The following EXOC4 variants were observed in gnomAD, a reference collection of about 807,000 sequenced individuals.
EXOC4 encodes the protein exocyst complex component 4, also known as SEC8-like 1.
A neutral mutation model predicts 107.2 loss-of-function variants in EXOC4; 71 were observed. The ratio of observed to expected loss-of-function variants is 0.66; its 90% confidence interval spans 0.55 to 0.81. The LOEUF (loss-of-function observed/expected upper bound fraction) is 0.81. Among genes scored for constraint, EXOC4 ranks in the 30% least tolerant of loss-of-function variants. EXOC4 has a pLI of 0.00. For synonymous variants in EXOC4, 456 were observed against 441.2 expected (o/e 1.03, Z -0.42); for missense variants, 1,108 against 1,189.6 (o/e 0.93, Z 1.01).
intron 14 of EXOC4, among the ~76,000 whole-genome samples, chr7:133,976,601 ACATGGTT>A (rs1435394289): frequency 1.3e-5 from 2 of 152,312 alleles, no homozygotes; most frequent in South Asian, 2.1e-4. Flanking sequence ...CCAGGAGCCA[ACATGGTT>A]CACAAGAGGG....
chr7:133,516,745 A>C (rs557733484), intron 9 of EXOC4, among the ~76,000 whole-genome samples: 95 of 13,262 alleles, frequency 7.2e-3, no homozygotes, highest in African/African-American at 0.012. Flanking sequence ...GGAAACTGCC[A>C]AACTAGCTGC....
chr7:133,984,980 T>C (rs1226919606), intron 14 of EXOC4, among the ~76,000 whole-genome samples: 1 of 152,168 alleles, frequency 6.6e-6, no homozygotes, highest in Non-Finnish European at 1.5e-5. Flanking sequence ...CAGCAGAGTT[T>C]GGTTTTTACT....
At chr7:133,919,688 C>T (rs1799894959) in intron 13 of EXOC4, among the ~76,000 whole-genome samples, 1 of 152,092 alleles carries the variant, frequency 6.6e-6, no homozygotes, top group African/African-American at 2.4e-5. Flanking sequence ...ATTTAAGTTT[C>T]CTCCATGGTT....
intron 17 of EXOC4, among the ~76,000 whole-genome samples, chr7:134,019,891 A>T (rs1794990520): frequency 6.6e-6 from 1 of 152,062 alleles, no homozygotes; most frequent in African/African-American, 2.4e-5. Flanking sequence ...ATCAGCTTTA[A>T]TGGGCAGTTT....
intron 2 of EXOC4, among the ~76,000 whole-genome samples, chr7:133,282,727 TA>T (rs2150535240): frequency 6.6e-6 from 1 of 152,330 alleles, no homozygotes; most frequent in South Asian, 2.1e-4. Flanking sequence ...GTGGAATGGC[TA>T]AACCAAGCTA....
intron 1 of EXOC4, among the ~76,000 whole-genome samples, chr7:133,264,794 CTT>C (rs1793684015): frequency 1.3e-5 from 2 of 152,088 alleles, no homozygotes; most frequent in South Asian, 2.1e-4. Context: ...GCTTGGAAAA[CTT>C]ATTTCTTAAC....
At chr7:133,598,065 G>A (rs1801724114) in intron 9 of EXOC4, among the ~76,000 whole-genome samples, 1 of 151,620 alleles carries the variant, frequency 6.6e-6, no homozygotes, top group Non-Finnish European at 1.5e-5. Context: ...ATTACTTTTT[G>A]CACCACCCTA....
At chr7:133,473,805 A>G (rs1032748497) in intron 7 of EXOC4, among the ~76,000 whole-genome samples, 2 of 151,800 alleles carry the variant, frequency 1.3e-5, no homozygotes, top group Non-Finnish European at 2.9e-5. Context: ...GGTTCACACC[A>G]TCCTCCTGCC....
chr7:133,868,710 C>G (rs970238510), intron 11 of EXOC4, among the ~76,000 whole-genome samples: 1 of 152,144 alleles, frequency 6.6e-6, no homozygotes, highest in African/African-American at 2.4e-5. Context: ...TTTCTTGAGT[C>G]TATTAGAGGA....
chr7:133,457,004 T>C lies in EXOC4; in HGVS notation c.1183-18324T>C, dbSNP rs564951930. The stretch of plus-strand genomic sequence containing the variant: ...GAGAGCTCCTTCAGAGCATAAACTA[T>C]CTTAATCATCTTTTCGTGGGCAATA... On this transcript the variant is annotated intron_variant, in intron 7 of 17. Coordinates refer to ENST00000253861, the MANE Select transcript of EXOC4 (RefSeq NM_021807.4). Among the ~76,000 whole-genome samples, 23 of 152,314 alleles carry C rather than the reference T, an allele frequency of 1.5e-4. No individual in the cohort carries two copies. The South Asian group carries it at 4.6e-3, about 30-fold the overall frequency.
chr7:133,946,168 G>A (rs1260305147), intron 14 of EXOC4, among the ~76,000 whole-genome samples: 1 of 152,018 alleles, frequency 6.6e-6, no homozygotes, highest in African/African-American at 2.4e-5. Flanking sequence ...GCCCTTCATC[G>A]TTTTTCATTC....
intron 5 of EXOC4, among the ~76,000 whole-genome samples, chr7:133,345,096 G>A (rs1795754113): frequency 6.6e-6 from 1 of 152,120 alleles, no homozygotes; most frequent in South Asian, 2.1e-4. Context: ...CAGCCTGAGA[G>A]TTTCCAAAGC....
At chr7:133,705,779 A>G (rs542149226) in intron 10 of EXOC4, among the ~76,000 whole-genome samples, 1 of 152,348 alleles carries the variant, frequency 6.6e-6, no homozygotes, top group Non-Finnish European at 1.5e-5. Flanking sequence ...CAAAGGAATG[A>G]TTCATATCCT....
intron 9 of EXOC4, among the ~76,000 whole-genome samples, chr7:133,605,018 C>T (rs899523390): frequency 6.6e-5 from 10 of 152,102 alleles, no homozygotes; most frequent in Non-Finnish European, 1.5e-4. Context: ...AGCCACCACA[C>T]CCAGCCTCTA....
chr7:133,764,233 GA>G (rs1796091793), intron 10 of EXOC4, among the ~76,000 whole-genome samples: 1 of 152,002 alleles, frequency 6.6e-6, no homozygotes, highest in African/African-American at 2.4e-5. Context: ...GTACAGAAGT[GA>G]AAACTGTGTT....
intron 7 of EXOC4, among the ~76,000 whole-genome samples, chr7:133,433,742 A>C (rs746971426): frequency 2.0e-5 from 3 of 152,278 alleles, no homozygotes; most frequent in Non-Finnish European, 4.4e-5. Flanking sequence ...AATGGCACCT[A>C]TTTTAATGCC....
chr7:133,487,357 G>A (rs1297947928), intron 9 of EXOC4, among the ~76,000 whole-genome samples: 1 of 152,154 alleles, frequency 6.6e-6, no homozygotes, highest in Non-Finnish European at 1.5e-5. Flanking sequence ...ATGTATTTGA[G>A]TTTTAAAAGT....
intron 14 of EXOC4, among the ~76,000 whole-genome samples, chr7:133,990,801 T>G (rs546204895): frequency 1.3e-5 from 2 of 152,156 alleles, no homozygotes; most frequent in Non-Finnish European, 2.9e-5. Context: ...TGTGTATATC[T>G]ACCACATTTT....
intron 10 of EXOC4, among the ~76,000 whole-genome samples, chr7:133,797,979 A>T (rs1298912449): frequency 6.6e-6 from 1 of 152,054 alleles, no homozygotes; most frequent in East Asian, 1.9e-4. Flanking sequence ...GTGAAGGGAG[A>T]TGGAGAATGA....
Sources: allele counts gnomAD v4.1 joint callset (sites outside exome capture counted in the v4.1 genomes callset), GRCh38; gene constraint gnomAD v4.1.1; transcripts MANE v1.5; gene names NCBI Gene and HGNC (gene_info 2026-07-23, HGNC 2026-07-21).